Variants in CTBP2 observed in about 807,000 individuals in gnomAD.
CTBP2 encodes the protein C-terminal binding protein 2.
A neutral mutation model predicts 80.3 loss-of-function variants in CTBP2; 30 were observed. The observed-to-expected ratio is 0.37, with a 90% CI of 0.28 to 0.51. The LOEUF is 0.51. Among genes scored for constraint, CTBP2 ranks in the 20% least tolerant of loss-of-function variants. CTBP2 has a pLI of 0.93. For missense variants in CTBP2, 1,212 were observed against 1,375.3 expected, an observed-to-expected ratio of 0.88 and a Z score of 1.88; for synonymous variants, 594 against 587.4, an observed-to-expected ratio of 1.01 and a Z score of -0.16.
In CTBP2 at chr10:124,985,236, T is replaced by C; in HGVS notation, c.*4282A>G. 1 of 413,568 alleles carries C rather than the reference T, an allele frequency of 2.4e-6. No homozygotes were observed. Among genetic ancestry groups the C allele is most frequent in the African/African-American group, 2.0e-5 (1 of 49,810 alleles). The allele number at this position is 413,568 out of a possible 1,614,324, so 25.6% of individuals were successfully genotyped here. On this transcript the variant is annotated 3_prime_UTR_variant, in exon 9 of 9. Coordinates refer to ENST00000309035, the MANE Select transcript of CTBP2 (RefSeq NM_022802.3). ...CTAATTTTATTAAGACAGAACTTTT[T>C]TTCCTTCCAAATTGTAAATCTGTCT... is the stretch of plus-strand genomic sequence containing the variant.
Position 125,026,947 on chromosome 10 carries a change from C to G in CTBP2, c.813G>C (p.Glu271Asp). 1 of 1,614,062 alleles carries G rather than the reference C, an allele frequency of 6.2e-7. No homozygotes were observed. The highest frequency in any genetic ancestry group is 8.5e-7 in the Non-Finnish European group (1 of 1,180,022). ...AGGTGGACAGGTCAGCTTCGTAAGT[C>G]TCGTAAGCCATCTTGGATGGGATGC... The change falls in exon 1 of 9, where the codon GAG (glutamate) becomes GAC (aspartate). Residue 271 changes from glutamate (E) to aspartate (D), a missense_variant. By Grantham distance (45) the Glu-to-Asp change is conservative. Around this residue, in one of 3 missense-constraint regions of CTBP2, gnomAD observed 848 missense variants for 782.3 expected, o/e 1.08. Transcript: ENST00000309035.
intron 1 of CTBP2, among the ~76,000 whole-genome samples, chr10:125,004,780 C>T (rs1955010667): frequency 6.6e-6 from 1 of 152,198 alleles, no homozygotes; most frequent in Non-Finnish European, 1.5e-5. Context: ...GGTGACCCAC[C>T]ATGGGTAACC....
chr10:125,141,299 T>C (rs545280613), intron 1 of CTBP2, among the ~76,000 whole-genome samples: 1 of 152,224 alleles, frequency 6.6e-6, no homozygotes, highest in South Asian at 2.1e-4. Context: ...TACCTCCTCC[T>C]GTGAGAGGAA....
Position 124,989,678 on chromosome 10 carries a change from C to T in CTBP2, c.2798G>A (p.Gly933Asp), listed in dbSNP as rs762838277. Residue 933 changes from glycine to aspartate, a missense_variant, in exon 9 of 9, where the codon GGT becomes GAT. Gly to Asp is a moderately conservative substitution (Grantham distance 94). Transcript: ENST00000309035. ...TGCAGGAAGTCCTCCTGGAGCCACA[C>T]CCACGATGCCTGGCGGATATCTAAG... 1.1e-5 allele frequency: 18 copies of T among 1,587,396 alleles called. No individual in the cohort carries two copies. Among genetic ancestry groups the T allele is most frequent in the Non-Finnish European group, 1.5e-5 (18 of 1,166,074 alleles).
chr10:125,138,016 G>C (rs979741366), intron 1 of CTBP2: 2 of 152,232 alleles, frequency 1.3e-5, no homozygotes, highest in Admixed American at 1.3e-4. Context: ...CAAAAACAGA[G>C]GTGGTGATTA....
At chr10:125,059,037 G>A (rs761028484) in intron 2 of CTBP2, among the ~76,000 whole-genome samples, 2 of 152,176 alleles carry the variant, frequency 1.3e-5, no homozygotes, top group African/African-American at 2.4e-5. Context: ...GGATGGGCAG[G>A]GGGAGGCTTC....
chr10:125,094,142 G>A (rs1170125877), intron 2 of CTBP2, among the ~76,000 whole-genome samples: 3 of 152,208 alleles, frequency 2.0e-5, no homozygotes, highest in Non-Finnish European at 4.4e-5. Flanking sequence ...AAGAAACAGA[G>A]GAAAGCAGGC....
intron 1 of CTBP2, among the ~76,000 whole-genome samples, chr10:125,139,864 G>A (rs1448667878): frequency 2.0e-5 from 3 of 152,148 alleles, no homozygotes; most frequent in Non-Finnish European, 2.9e-5. Context: ...ACAGGTGGCT[G>A]GTGACCTGTG....
intron 1 of CTBP2, among the ~76,000 whole-genome samples, chr10:125,119,792 G>T (rs978500805): frequency 2.2e-4 from 33 of 152,220 alleles, no homozygotes; most frequent in African/African-American, 8.0e-4. Flanking sequence ...CAAAGAGCAT[G>T]ATTTCCTATA....
At chr10:124,998,242 C>T (rs1412592658) in intron 3 of CTBP2, 72 bp from the exon 6 acceptor site, 6 of 1,512,892 alleles carry the variant, frequency 4.0e-6, no homozygotes, top group Admixed American at 2.0e-5. Flanking sequence ...GGGCTCCCAG[C>T]CCGCCCTCCT....
chr10:125,159,761 C>G (rs1291944653), intron 1 of CTBP2: 1 of 149,700 alleles, frequency 6.7e-6, no homozygotes, highest in Non-Finnish European at 1.5e-5. Flanking sequence ...CCCCGGCGCG[C>G]TCGGACTCCT....
At chr10:125,107,953 G>C (rs914141132) in intron 2 of CTBP2, among the ~76,000 whole-genome samples, 12 of 152,160 alleles carry the variant, frequency 7.9e-5, no homozygotes, top group African/African-American at 2.9e-4. Context: ...CACTTTTTCT[G>C]TGACACTTTT....
chr10:125,151,767 C>G (rs1163148891), intron 1 of CTBP2, among the ~76,000 whole-genome samples: 1 of 152,186 alleles, frequency 6.6e-6, no homozygotes, highest in Non-Finnish European at 1.5e-5. Context: ...GGTCTCGAGG[C>G]TCCTACCTTG....
intron 1 of CTBP2, among the ~76,000 whole-genome samples, chr10:125,152,018 G>C (rs930826860): frequency 6.6e-6 from 1 of 152,180 alleles, no homozygotes; most frequent in African/African-American, 2.4e-5. Context: ...GAGGTGGGGG[G>C]GCCCGGGGGT....
chr10:125,042,771 G>T (rs535225756), intron 2 of CTBP2, among the ~76,000 whole-genome samples: 8 of 152,162 alleles, frequency 5.3e-5, no homozygotes, highest in Admixed American at 3.3e-4. Context: ...ACTCATCCCC[G>T]CAGCGAATAA....
intron 1 of CTBP2, among the ~76,000 whole-genome samples, chr10:125,136,933 C>CCGGGCT (rs943951474): frequency 2.6e-5 from 4 of 152,180 alleles, no homozygotes; most frequent in Admixed American, 1.3e-4. Flanking sequence ...CAAATGGGCT[C>CCGGGCT]CGGGCTCGTG....
chr10:125,017,131 T>C (rs1956576496), intron 1 of CTBP2, among the ~76,000 whole-genome samples: 1 of 152,232 alleles, frequency 6.6e-6, no homozygotes, highest in Non-Finnish European at 1.5e-5. Context: ...AACAGCTGAC[T>C]GTATCCAGCC....
intron 1 of CTBP2, chr10:125,158,626 A>G (rs1861363847): frequency 6.6e-6 from 1 of 152,210 alleles, no homozygotes; most frequent in Non-Finnish European, 1.5e-5. Context: ...ACACAGAAGG[A>G]TTGTTTACCC....
At chr10:125,154,951 G>A (rs1860656891) in intron 1 of CTBP2, among the ~76,000 whole-genome samples, 1 of 152,224 alleles carries the variant, frequency 6.6e-6, no homozygotes, top group Non-Finnish European at 1.5e-5. Flanking sequence ...TTTAAAGTCA[G>A]GAGAGGAGTA....
Sources: gnomAD v4.1 joint callset for allele counts (sites outside exome capture counted in the v4.1 genomes callset) on GRCh38, gnomAD v4.1.1 for gene constraint, gnomAD v4.1.1 regional missense constraint, MANE v1.5 for transcripts, NCBI Gene and HGNC (gene_info 2026-07-23, HGNC 2026-07-21) for gene names.